The following ELAPOR1 variants were observed in gnomAD, a reference collection of about 807,000 sequenced individuals.
ELAPOR1 encodes the protein endosome-lysosome associated apoptosis and autophagy regulator 1.
ELAPOR1 carries 77 observed loss-of-function variants against 119.7 expected under a neutral mutation model. That is an observed-to-expected ratio of 0.64 (90% CI 0.54 to 0.78). ELAPOR1 has a LOEUF of 0.78. ELAPOR1 is among the 30% of genes least tolerant of loss of function. The pLI is 0.00. For synonymous variants in ELAPOR1, 481 were observed against 487.2 expected (o/e 0.99, Z 0.17); for missense variants, 1,115 against 1,270.4 (o/e 0.88, Z 1.86).
intron 1 of ELAPOR1, chr1:109,161,675 TG>T (rs1651268124): frequency 2.4e-6 from 1 of 413,492 alleles, no homozygotes; most frequent in South Asian, 4.4e-5. Flanking sequence ...CACACAAAAA[TG>T]ATTTCTAGGG....
chr1:109,201,156 T>C (rs79299236), intron 21 of ELAPOR1, among the ~76,000 whole-genome samples: 3,282 of 152,292 alleles, frequency 0.022, 111 homozygotes, highest in African/African-American at 0.075. Flanking sequence ...GTGAACTGTT[T>C]GGGCCTTTTC....
intron 1 of ELAPOR1, among the ~76,000 whole-genome samples, chr1:109,125,485 C>T (rs1007171321): frequency 1.3e-5 from 2 of 151,780 alleles, no homozygotes; most frequent in Non-Finnish European, 2.9e-5. Flanking sequence ...CTCCGCCTCC[C>T]GGGTTCAAGT....
chr1:109,171,904 A>G lies in ELAPOR1; in HGVS notation c.506A>G (p.Asn169Ser), dbSNP rs541489092. Residue 169 changes from asparagine (N) to serine (S), a missense_variant, in exon 4 of 22, where the codon AAC becomes AGC. By Grantham distance (46) the Asn-to-Ser change is conservative (BLOSUM62 1). Transcript: ENST00000369939. ...CCCCGGGGCGACTACATCGCCTCCA[A>G]CACGGACGAATGCACAGCCACACTG... The part of the protein sequence containing the change: ...WVPRGDYIAS[N>S]TDECTATLMY... The G allele has an allele frequency of 6.2e-7, 1 of 1,614,234 alleles. No homozygotes were observed. Among genetic ancestry groups the G allele is most frequent in the Non-Finnish European group, 8.5e-7 (1 of 1,180,034 alleles).
intron 7 of ELAPOR1, among the ~76,000 whole-genome samples, chr1:109,184,696 G>A (rs993757034): frequency 6.6e-6 from 1 of 152,246 alleles, no homozygotes; most frequent in East Asian, 1.9e-4. Context: ...GGGAACTTAG[G>A]TTGGCAGTGG....
chr1:109,142,279 T>C (rs537976461), intron 1 of ELAPOR1, among the ~76,000 whole-genome samples: 1 of 152,320 alleles, frequency 6.6e-6, no homozygotes, highest in East Asian at 1.9e-4. Flanking sequence ...TTAATTGAAC[T>C]AGAAGACGTA....
intron 15 of ELAPOR1, 36 bp downstream of exon 15, chr1:109,194,630 G>T (rs774346916): frequency 2.5e-6 from 4 of 1,590,424 alleles, no homozygotes; most frequent in East Asian, 2.2e-5. Flanking sequence ...AAAATTGAAT[G>T]GGGGAGGCCC....
chr1:109,177,271 C>G (rs1332073961), intron 7 of ELAPOR1, among the ~76,000 whole-genome samples: 5 of 143,994 alleles, frequency 3.5e-5, no homozygotes, highest in African/African-American at 1.1e-4. Context: ...GGGGCGGCTG[C>G]CGGGCAGAGA....
chr1:109,188,897 T>C (rs1190787173), intron 9 of ELAPOR1, among the ~76,000 whole-genome samples, 169 bp from the exon 10 acceptor site: 1 of 152,230 alleles, frequency 6.6e-6, no homozygotes, highest in African/African-American at 2.4e-5. Flanking sequence ...GTTAAATACA[T>C]TGTCAGAATG....
At chr1:109,144,061 A>ATTTTTTTTTTTTTTTTTTTTTTTT (rs71069655) in intron 1 of ELAPOR1, among the ~76,000 whole-genome samples, 4 of 88,990 alleles carry the variant, frequency 4.5e-5, no homozygotes, top group African/African-American at 1.4e-4. Flanking sequence ...ATATTTATAT[A>ATTTTTTTTTTTTTTTTTTTTTTTT]TTTTTTTTTT....
At chr1:109,167,174 A>C (rs4970746) in intron 3 of ELAPOR1, among the ~76,000 whole-genome samples, 70,841 of 152,024 alleles carry the variant, frequency 0.47, 17,516 homozygotes, top group African/African-American at 0.64. Flanking sequence ...AGGTGCAGAC[A>C]TGGCTCAGTC....
chr1:109,175,079 C>T (rs747858765), intron 7 of ELAPOR1, among the ~76,000 whole-genome samples: 3 of 151,966 alleles, frequency 2.0e-5, no homozygotes, highest in South Asian at 2.1e-4. Context: ...AGGCTGGTCT[C>T]GAACTCCTGA....
At chr1:109,172,603 A>G in intron 5 of ELAPOR1, 35 bp downstream of exon 5, 1 of 1,537,446 alleles carries the variant, frequency 6.5e-7, no homozygotes, top group South Asian at 1.1e-5. Flanking sequence ...CAGAGATCCC[A>G]GAAAAGGGAC....
At chr1:109,184,115 T>A (rs1029236809) in intron 7 of ELAPOR1, among the ~76,000 whole-genome samples, 4 of 152,084 alleles carry the variant, frequency 2.6e-5, no homozygotes, top group Non-Finnish European at 5.9e-5. Flanking sequence ...CTCACCCCTG[T>A]AATTCCAGCG....
chr1:109,163,825 A>G (rs533532409), intron 2 of ELAPOR1, among the ~76,000 whole-genome samples: 8 of 152,308 alleles, frequency 5.3e-5, no homozygotes, highest in African/African-American at 1.7e-4. Context: ...TGGTGGCAGT[A>G]CAACCAGAAA....
chr1:109,193,215 G>A (rs1476866589), intron 14 of ELAPOR1, among the ~76,000 whole-genome samples: 6 of 152,244 alleles, frequency 3.9e-5, no homozygotes, highest in Admixed American at 2.6e-4. Context: ...ATTCAAAAAT[G>A]TTCAATCCAG....
intron 1 of ELAPOR1, among the ~76,000 whole-genome samples, chr1:109,139,886 C>T (rs960003944): frequency 5.9e-5 from 9 of 152,098 alleles, no homozygotes; most frequent in African/African-American, 1.9e-4. Flanking sequence ...ATACTCCCAC[C>T]TTACCCTCCC....
At chr1:109,180,666 T>G (rs1652635826) in intron 7 of ELAPOR1, among the ~76,000 whole-genome samples, 2 of 152,170 alleles carry the variant, frequency 1.3e-5, no homozygotes, top group African/African-American at 4.8e-5. Flanking sequence ...CACTCCTTTT[T>G]TAATATGAAA....
rs142874614 is a variant in ELAPOR1, at chr1:109,123,332, A to G, written c.153+8996A>G. Reference sequence around the variant, plus strand: ...AAATGTGGCTAATTACTAGGAAAGAAAAGTAAAGGATATGAGAGATTATTA... The same window carrying G: ...AAATGTGGCTAATTACTAGGAAAGAGAAGTAAAGGATATGAGAGATTATTA... On this transcript the variant is annotated intron_variant, in intron 1 of 21. Transcript: ENST00000369939. Among the ~76,000 whole-genome samples the G allele has an allele frequency of 1.9e-3, 297 of 152,364 alleles. 2 individuals carry two copies. Among genetic ancestry groups the G allele is most frequent in the African/African-American group, 6.8e-3 (284 of 41,592 alleles).
chr1:109,186,616 C>T (rs920413825), intron 8 of ELAPOR1: 16 of 985,346 alleles, frequency 1.6e-5, no homozygotes, highest in Non-Finnish European at 1.9e-5. Context: ...GCACCTTAGA[C>T]TCAGTTCTGT....
Sources: gnomAD v4.1 joint callset for allele counts (sites outside exome capture counted in the v4.1 genomes callset) on GRCh38, gnomAD v4.1.1 for gene constraint, MANE v1.5 for transcripts, NCBI Gene and HGNC (gene_info 2026-07-23, HGNC 2026-07-21) for gene names.